Variants in SHISA9 observed in about 807,000 individuals in gnomAD.
SHISA9 encodes the protein shisa family member 9.
SHISA9 carries 13 observed loss-of-function variants against 38.0 expected under a neutral mutation model. That is an observed-to-expected ratio of 0.34 (90% CI 0.22 to 0.54). SHISA9 has a LOEUF of 0.54. Among genes scored for constraint, SHISA9 ranks in the 20% least tolerant of loss-of-function variants. The probability of loss-of-function intolerance (pLI) is 0.91; values close to 1 mark genes in which losing one functional copy is unlikely to be tolerated. For missense variants in SHISA9, 538 were observed against 575.8 expected (o/e 0.93, Z 0.67); for synonymous variants, 275 against 242.0 (o/e 1.14, Z -1.27).
chr16:12,910,433 C>A, intron 1 of SHISA9: 2 of 983,542 alleles, frequency 2.0e-6, no homozygotes, highest in Non-Finnish European at 2.4e-6. Flanking sequence ...GAAGAGCAAA[C>A]AGCCAAATAT....
chr16:13,423,607 G>A, the SHISA9 span, among the ~76,000 whole-genome samples: 4 of 152,108 alleles, frequency 2.6e-5, no homozygotes, highest in African/African-American at 9.6e-5. Context: ...ACAAATTATC[G>A]TACATTTTGG....
At chr16:13,509,151 C>T in the SHISA9 span, among the ~76,000 whole-genome samples, 7 of 152,050 alleles carry the variant, frequency 4.6e-5, no homozygotes, top group Admixed American at 1.3e-4. Flanking sequence ...TTTGCATAAT[C>T]TGTCTTGAAC....
At chr16:13,079,905 T>G (rs276608) in intron 2 of SHISA9, among the ~76,000 whole-genome samples, 30,705 of 152,060 alleles carry the variant, frequency 0.2, 5,749 homozygotes, top group African/African-American at 0.49. Context: ...CACCTTCTTG[T>G]GGTGTTAACA....
At position 13,239,464 on chromosome 16, in the gene SHISA9, G is replaced by T. The variant is rs1340728531; in HGVS notation, c.*4055G>T. 1 of 151,480 alleles carries T rather than the reference G, an allele frequency of 6.6e-6. No individual in the cohort carries two copies. Among genetic ancestry groups the T allele is most frequent in the Non-Finnish European group, 1.5e-5 (1 of 67,728 alleles). The allele number at this position is 151,480 out of a possible 1,614,324, so 9.4% of individuals were successfully genotyped here. A position where few individuals can be genotyped will look rare whatever the true frequency, so the allele number is the denominator to read the frequency against. On this transcript the variant is annotated 3_prime_UTR_variant, in exon 5 of 5. Transcript: ENST00000558583. Reference sequence around the variant, plus strand: ...TTACAGTCCCACCAGCAGTGTAAAAGTGTTCCTATTTCTCCACATCCTCTC... The same window carrying T: ...TTACAGTCCCACCAGCAGTGTAAAATTGTTCCTATTTCTCCACATCCTCTC...
chr16:13,190,202 G>T (rs928556370), intron 2 of SHISA9, among the ~76,000 whole-genome samples: 1 of 151,434 alleles, frequency 6.6e-6, no homozygotes, highest in African/African-American at 2.4e-5. Context: ...CCAGCATTAG[G>T]TATATCTCCC....
the SHISA9 span, among the ~76,000 whole-genome samples, chr16:13,551,891 G>T: frequency 2.0e-5 from 3 of 152,288 alleles, no homozygotes; most frequent in Non-Finnish European, 4.4e-5. Context: ...GCCAGGCAAG[G>T]TTGCAGGTGC....
At chr16:13,405,300 T>C in the SHISA9 span, among the ~76,000 whole-genome samples, 2 of 152,166 alleles carry the variant, frequency 1.3e-5, no homozygotes, top group Non-Finnish European at 2.9e-5. Flanking sequence ...CTTAATTACA[T>C]GGGACCACAG....
the SHISA9 span, among the ~76,000 whole-genome samples, chr16:13,484,884 C>G: frequency 6.6e-6 from 1 of 152,156 alleles, no homozygotes; most frequent in Non-Finnish European, 1.5e-5. Flanking sequence ...CAATCACCTC[C>G]CACCAGGTTT....
the SHISA9 span, among the ~76,000 whole-genome samples, chr16:13,262,417 A>C: frequency 6.6e-6 from 1 of 152,168 alleles, no homozygotes; most frequent in African/African-American, 2.4e-5. Flanking sequence ...CAATTGCACT[A>C]GTAGCCTTTT....
At chr16:13,060,538 C>T (rs2073361726) in intron 2 of SHISA9, among the ~76,000 whole-genome samples, 1 of 145,938 alleles carries the variant, frequency 6.9e-6, no homozygotes, top group South Asian at 2.2e-4. Context: ...GTAGGTGCTA[C>T]TTTTTATTTC....
the SHISA9 span, among the ~76,000 whole-genome samples, chr16:13,402,664 G>A: frequency 2.0e-5 from 3 of 151,962 alleles, no homozygotes; most frequent in Admixed American, 1.3e-4. Flanking sequence ...GGCACAGGCC[G>A]CCACGCCCGG....
At chr16:13,262,142 C>T in the SHISA9 span, among the ~76,000 whole-genome samples, 2 of 152,130 alleles carry the variant, frequency 1.3e-5, no homozygotes, top group African/African-American at 4.8e-5. Flanking sequence ...CTCAAATGCC[C>T]CCAAACAATT....
At chr16:13,402,614 C>T in the SHISA9 span, among the ~76,000 whole-genome samples, 1 of 150,538 alleles carries the variant, frequency 6.6e-6, no homozygotes, top group East Asian at 2.0e-4. Context: ...CGGGTTGAAG[C>T]AATTCTCCTG....
At chr16:13,456,799 C>T in the SHISA9 span, among the ~76,000 whole-genome samples, 4 of 152,244 alleles carry the variant, frequency 2.6e-5, no homozygotes, top group African/African-American at 9.6e-5. Context: ...AGTAAAAACT[C>T]AGGACACCAA....
At chr16:13,224,854 G>A (rs2051263541) in intron 4 of SHISA9, among the ~76,000 whole-genome samples, 1 of 152,132 alleles carries the variant, frequency 6.6e-6, no homozygotes, top group Non-Finnish European at 1.5e-5. Context: ...GGAAACAGCA[G>A]GGATGATGTC....
chr16:13,117,996 A>G (rs758578711), intron 2 of SHISA9, among the ~76,000 whole-genome samples: 4 of 152,102 alleles, frequency 2.6e-5, no homozygotes, highest in Non-Finnish European at 5.9e-5. Flanking sequence ...AGCCTGGCCA[A>G]CATGGTGAAA....
At chr16:13,060,749 C>T (rs946296090) in intron 2 of SHISA9, among the ~76,000 whole-genome samples, 2 of 151,990 alleles carry the variant, frequency 1.3e-5, no homozygotes, top group African/African-American at 4.8e-5. Flanking sequence ...CCTCTGGTGC[C>T]AACACAAAGC....
At chr16:13,090,795 GT>G (rs1283698630) in intron 2 of SHISA9, among the ~76,000 whole-genome samples, 2 of 152,108 alleles carry the variant, frequency 1.3e-5, no homozygotes, top group African/African-American at 4.8e-5. Context: ...GCCCATTTAC[GT>G]TTAAGGTTAA....
At chr16:13,458,696 T>G in the SHISA9 span, 1 of 234,958 alleles carries the variant, frequency 4.3e-6, no homozygotes, top group South Asian at 5.3e-5. Flanking sequence ...CTTGAGGATG[T>G]AAAAAAAAAA....
Sources: allele counts gnomAD v4.1 joint callset (sites outside exome capture counted in the v4.1 genomes callset), GRCh38; gene constraint gnomAD v4.1.1; transcripts MANE v1.5; gene names NCBI Gene and HGNC (gene_info 2026-07-23, HGNC 2026-07-21).